ITGA1: variants seen among roughly 807,000 people sequenced by gnomAD.
The protein encoded by ITGA1 is integrin alpha-1.
ITGA1 carries 85 observed loss-of-function variants against 145.9 expected under a neutral mutation model. The observed-to-expected ratio is 0.58, with a 90% CI of 0.49 to 0.70. The LOEUF (loss-of-function observed/expected upper bound fraction) is 0.70. ITGA1 is among the 30% of genes least tolerant of loss of function. The pLI is 0.00. For synonymous variants in ITGA1, 520 were observed against 495.3 expected (o/e 1.05, Z -0.66); for missense variants, 1,351 against 1,418.7 (o/e 0.95, Z 0.77).
At chr5:52,940,119 T>A (rs181466058) in intron 26 of ITGA1, among the ~76,000 whole-genome samples, 175 bp downstream of exon 26, 72 of 152,334 alleles carry the variant, frequency 4.7e-4, no homozygotes, top group African/African-American at 1.7e-3. Flanking sequence ...TCATCTTCCT[T>A]GTCTGTTAAG....
At chr5:52,873,128 C>T (rs1442424274) in intron 6 of ITGA1, among the ~76,000 whole-genome samples, 1 of 152,010 alleles carries the variant, frequency 6.6e-6, no homozygotes, top group Non-Finnish European at 1.5e-5. Flanking sequence ...TGTATAAAAT[C>T]GTTGTTTTTA....
intron 26 of ITGA1, among the ~76,000 whole-genome samples, chr5:52,941,016 G>A (rs936849174): frequency 3.3e-5 from 5 of 152,098 alleles, no homozygotes; most frequent in South Asian, 4.1e-4. Flanking sequence ...TCACTTATAC[G>A]TGAGAACATG....
chr5:52,836,946 G>A (rs1160698799), intron 1 of ITGA1, among the ~76,000 whole-genome samples: 1 of 152,026 alleles, frequency 6.6e-6, no homozygotes, highest in African/African-American at 2.4e-5. Context: ...AATGCTTCAA[G>A]CAAACGAGAA....
chr5:52,918,059 T>C (rs1228765348), intron 15 of ITGA1, among the ~76,000 whole-genome samples: 5 of 152,206 alleles, frequency 3.3e-5, no homozygotes, highest in Admixed American at 3.3e-4. Flanking sequence ...GATCTTACTC[T>C]GATCTCATTT....
chr5:52,917,459 TACC>T (rs1750664042), intron 15 of ITGA1, among the ~76,000 whole-genome samples: 1 of 151,184 alleles, frequency 6.6e-6, no homozygotes, highest in African/African-American at 2.4e-5. Flanking sequence ...ATGTTAAATT[TACC>T]ACTATACTCA....
At chr5:52,912,237 G>T (rs368703710) in intron 14 of ITGA1, among the ~76,000 whole-genome samples, 1 of 141,280 alleles carries the variant, frequency 7.1e-6, no homozygotes, top group Non-Finnish European at 1.5e-5. Flanking sequence ...TGTATCTAGT[G>T]TATCTACAAT....
chr5:52,796,369 T>C (rs1274679451), intron 1 of ITGA1, among the ~76,000 whole-genome samples: 4 of 151,890 alleles, frequency 2.6e-5, no homozygotes, highest in Non-Finnish European at 5.9e-5. Flanking sequence ...AAAATAGATA[T>C]AATTAAAGTT....
intron 8 of ITGA1, among the ~76,000 whole-genome samples, chr5:52,892,183 G>C (rs1271542844): frequency 6.6e-6 from 1 of 152,062 alleles, no homozygotes; most frequent in Non-Finnish European, 1.5e-5. Context: ...GATTTGAACA[G>C]ACACTAACTA....
Position 52,920,396 on chromosome 5 carries a change from T to C in ITGA1, c.2220T>C (p.Thr740=). 1 of 1,612,530 alleles carries C rather than the reference T, an allele frequency of 6.2e-7. No homozygotes were observed. The highest frequency in any genetic ancestry group is 8.5e-7 in the Non-Finnish European group (1 of 1,179,174). The change falls in exon 17 of 29, where the codon ACT becomes ACC. Residue 740 remains threonine (T), a synonymous_variant. Coordinates refer to ENST00000282588, the MANE Select transcript of ITGA1 (RefSeq NM_181501.2). The part of the protein sequence containing the change: ...RQISRSFFSG[T]QERKVQRNIT... ...TATCACGAAGTTTTTTCTCTGGAACTCAAGAGAGAAAGGTTCAAAGGAACA... is the reference window on the plus strand; with the variant it reads ...TATCACGAAGTTTTTTCTCTGGAACCCAAGAGAGAAAGGTTCAAAGGAACA...
intron 1 of ITGA1, among the ~76,000 whole-genome samples, chr5:52,792,144 T>A (rs1203866661): frequency 2.0e-5 from 3 of 152,338 alleles, no homozygotes; most frequent in African/African-American, 7.2e-5. Context: ...AAATATAGAA[T>A]TAGCCCTAAT....
chr5:52,914,495 G>T (rs1656870022), intron 14 of ITGA1, among the ~76,000 whole-genome samples: 1 of 152,030 alleles, frequency 6.6e-6, no homozygotes, highest in South Asian at 2.1e-4. Flanking sequence ...AATTAGCCGG[G>T]CATGGTGGCG....
chr5:52,855,368 G>A (rs1448834946), intron 2 of ITGA1, among the ~76,000 whole-genome samples: 1 of 152,106 alleles, frequency 6.6e-6, no homozygotes, highest in African/African-American at 2.4e-5. Flanking sequence ...TTACAATCCA[G>A]ACCTCTTGGC....
At chr5:52,858,168 C>A (rs80116920) in intron 2 of ITGA1, among the ~76,000 whole-genome samples, 26,126 of 152,168 alleles carry the variant, frequency 0.17, 2,742 homozygotes, top group Non-Finnish European at 0.24. Flanking sequence ...AGCAAATAAG[C>A]TTTGTAAATC....
chr5:52,897,574 T>G (rs376513605), intron 10 of ITGA1, 46 bp downstream of exon 10: 21 of 1,492,136 alleles, frequency 1.4e-5, no homozygotes, highest in Non-Finnish European at 1.9e-5. Flanking sequence ...TTTGCAAGAC[T>G]TCCCTTCCCA....
At chr5:52,820,463 G>A (rs1175330914) in intron 1 of ITGA1, among the ~76,000 whole-genome samples, 2 of 149,558 alleles carry the variant, frequency 1.3e-5, no homozygotes, top group Non-Finnish European at 3.0e-5. Flanking sequence ...CATGGCACAT[G>A]TATACATATG....
Position 52,910,262 on chromosome 5 carries a change from G to A in ITGA1, c.1700G>A (p.Cys567Tyr), listed in dbSNP as rs774324112. 3.1e-6 allele frequency: 5 copies of A among 1,613,878 alleles called. No homozygotes were observed. Among genetic ancestry groups the A allele is most frequent in the Non-Finnish European group, 4.2e-6 (5 of 1,179,948 alleles). ...ACAACAGAAAACAAAAATGAGCCAT[G>A]CGGGGCTCGTTTTGGAACTGCAATT... Reference protein sequence around the residue: ...SCTTENKNEPCGARFGTAIAA... With the variant: ...SCTTENKNEPYGARFGTAIAA... The change falls in exon 14 of 29, where the codon TGC becomes TAC. Residue 567 changes from cysteine to tyrosine, a missense_variant. Cys to Tyr is a radical substitution (Grantham distance 194, BLOSUM62 -2). Transcript: ENST00000282588.
intron 6 of ITGA1, among the ~76,000 whole-genome samples, chr5:52,871,050 C>G (rs1356128155): frequency 6.6e-6 from 1 of 152,202 alleles, no homozygotes; most frequent in Non-Finnish European, 1.5e-5. Flanking sequence ...TAAGTGAAAA[C>G]AAGTAGGAAA....
intron 20 of ITGA1, among the ~76,000 whole-genome samples, chr5:52,928,942 A>G (rs1260411885): frequency 6.6e-6 from 1 of 152,222 alleles, no homozygotes; most frequent in Non-Finnish European, 1.5e-5. Context: ...CCAAAAAGTC[A>G]GACAAATGAC....
intron 6 of ITGA1, among the ~76,000 whole-genome samples, chr5:52,866,593 T>C (rs1324691523): frequency 6.6e-6 from 1 of 152,164 alleles, no homozygotes; most frequent in Non-Finnish European, 1.5e-5. Flanking sequence ...GTCCTTTCTG[T>C]TAATAATTTC....
Sources: gnomAD v4.1 joint callset for allele counts (sites outside exome capture counted in the v4.1 genomes callset) on GRCh38, gnomAD v4.1.1 for gene constraint, MANE v1.5 for transcripts, NCBI Gene and HGNC (gene_info 2026-07-23, HGNC 2026-07-21) for gene names.